Variants in NT5C3A observed in about 807,000 individuals in gnomAD.
NT5C3A encodes the protein 5'-nucleotidase, cytosolic IIIA, also known as cytosolic 5'-nucleotidase 3A.
A neutral mutation model predicts 40.0 loss-of-function variants in NT5C3A; 23 were observed. The observed-to-expected ratio is 0.58, with a 90% CI of 0.41 to 0.81. NT5C3A has a LOEUF of 0.81. NT5C3A is among the 40% of genes least tolerant of loss of function. NT5C3A has a pLI of 0.00. For synonymous variants in NT5C3A, 130 were observed against 141.4 expected (o/e 0.92, Z 0.57); for missense variants, 328 against 403.0 (o/e 0.81, Z 1.59).
intron 3 of NT5C3A, among the ~76,000 whole-genome samples, chr7:33,022,556 T>C (rs925462767): frequency 1.3e-5 from 2 of 152,242 alleles, no homozygotes; most frequent in African/African-American, 4.8e-5. Flanking sequence ...GGTTTTAGCA[T>C]TCAATAATAA....
intron 1 of NT5C3A, among the ~76,000 whole-genome samples, chr7:33,050,474 G>T (rs1173854258): frequency 6.6e-6 from 1 of 152,172 alleles, no homozygotes; most frequent in Non-Finnish European, 1.5e-5. Context: ...GAGAAATCCA[G>T]ATAGACTGAA....
chr7:33,031,369 C>G (rs1448558862), intron 1 of NT5C3A, among the ~76,000 whole-genome samples: 1 of 151,974 alleles, frequency 6.6e-6, no homozygotes, highest in East Asian at 1.9e-4. Context: ...AGGAGGATCA[C>G]TTGGGCTCAG....
intron 1 of NT5C3A, among the ~76,000 whole-genome samples, chr7:33,047,277 G>A (rs1451401957): frequency 6.6e-6 from 1 of 151,956 alleles, no homozygotes; most frequent in East Asian, 1.9e-4. Context: ...TTTATTATTG[G>A]TGCACTATAT....
intron 1 of NT5C3A, among the ~76,000 whole-genome samples, chr7:33,058,461 C>T (rs1787653841): frequency 6.6e-6 from 1 of 152,114 alleles, no homozygotes; most frequent in Non-Finnish European, 1.5e-5. Context: ...ATTCTCCTGC[C>T]TCAGCCTCCC....
intron 1 of NT5C3A, among the ~76,000 whole-genome samples, chr7:33,034,180 C>T (rs1036352930): frequency 7.9e-5 from 12 of 151,954 alleles, no homozygotes; most frequent in South Asian, 6.2e-4. Flanking sequence ...CGTGAGCCAC[C>T]GCGCCCGGCC....
intron 1 of NT5C3A, chr7:33,040,899 A>C (rs533456781): frequency 1.2e-4 from 121 of 985,464 alleles, no homozygotes; most frequent in Middle Eastern, 1.0e-3. Flanking sequence ...GAGCTACACC[A>C]GCAAAAGAAA....
At chr7:33,034,311 G>A (rs1019917952) in intron 1 of NT5C3A, among the ~76,000 whole-genome samples, 1 of 152,130 alleles carries the variant, frequency 6.6e-6, no homozygotes, top group Non-Finnish European at 1.5e-5. Flanking sequence ...ACTGTGGAGT[G>A]AATACACTGC....
intron 1 of NT5C3A, among the ~76,000 whole-genome samples, chr7:33,052,637 ACTCT>A (rs1395228025): frequency 6.6e-6 from 1 of 151,636 alleles, no homozygotes; most frequent in Non-Finnish European, 1.5e-5. Context: ...TATCCTCATC[ACTCT>A]CTCTTTATAC....
Position 33,034,510 on chromosome 7 carries a change from T to C in NT5C3A, c.139-7595A>G, listed in dbSNP as rs150129076. ...TTTAATTCTATGTATCAAAGAGATATGCTCAATTCCAATGAATCAAGTGCC... is the reference window on the plus strand; with the variant it reads ...TTTAATTCTATGTATCAAAGAGATACGCTCAATTCCAATGAATCAAGTGCC... On this transcript the variant is annotated intron_variant, in intron 1 of 8. Transcript: ENST00000610140. Among the ~76,000 whole-genome samples the C allele has an allele frequency of 1.7e-3, 259 of 152,360 alleles. 2 individuals carry two copies. Among genetic ancestry groups the C allele is most frequent in the Non-Finnish European group, 5.7e-4 (39 of 68,038 alleles).
At chr7:33,047,070 T>A (rs965284140) in intron 1 of NT5C3A, among the ~76,000 whole-genome samples, 1 of 151,342 alleles carries the variant, frequency 6.6e-6, no homozygotes, top group Non-Finnish European at 1.5e-5. Flanking sequence ...GCCTCCCGAA[T>A]CTTTTTATTT....
At chr7:33,029,997 G>C (rs1250457113) in intron 1 of NT5C3A, among the ~76,000 whole-genome samples, 3 of 152,080 alleles carry the variant, frequency 2.0e-5, no homozygotes, top group Non-Finnish European at 4.4e-5. Context: ...AAATGGCACG[G>C]GAGTAAAATA....
intron 1 of NT5C3A, among the ~76,000 whole-genome samples, chr7:33,051,288 T>G (rs1035136772): frequency 2.0e-5 from 3 of 152,056 alleles, no homozygotes; most frequent in Non-Finnish European, 4.4e-5. Flanking sequence ...CTCAGCCTCT[T>G]GGGTAGCAGG....
At position 33,062,550 on chromosome 7, in the gene NT5C3A, C is replaced by A. The variant is rs1481065331; in HGVS notation, c.138+18G>T. 6.2e-7 allele frequency: 1 copy of A among 1,606,650 alleles called. No individual in the cohort carries two copies. The highest frequency in any genetic ancestry group is 1.1e-5 in the South Asian group (1 of 90,614). On this transcript the variant is annotated intron_variant, in intron 1 of 8. Coordinates refer to ENST00000610140, the MANE Select transcript of NT5C3A (RefSeq NM_001002010.5). ...CGGCCCCTCGCGTGCTCTGGGCGCG[C>A]CGAGCCTCCACACTCACCATCTCGA...
intron 1 of NT5C3A, among the ~76,000 whole-genome samples, chr7:33,033,896 T>TAAATAA (rs10691796): frequency 8.3e-6 from 1 of 120,158 alleles, no homozygotes; most frequent in African/African-American, 3.4e-5. Context: ...ATATATATAA[T>TAAATAA]TTTTTTTTTT....
rs1271774502 is a variant in NT5C3A, at chr7:33,014,571, C to T, written c.*159G>A. 1 of 1,028,860 alleles carries T rather than the reference C, an allele frequency of 9.7e-7. No homozygotes were observed. Among genetic ancestry groups the T allele is most frequent in the Admixed American group, 2.0e-5 (1 of 48,926 alleles). 63.7% of individuals were successfully genotyped at this position (1,028,860 alleles called of 1,614,324 possible). A position where few individuals can be genotyped will look rare whatever the true frequency, so the allele number is the denominator to read the frequency against. On this transcript the variant is annotated 3_prime_UTR_variant, in exon 9 of 9. Coordinates refer to ENST00000610140, the MANE Select transcript of NT5C3A (RefSeq NM_001002010.5). The stretch of plus-strand genomic sequence containing the variant: ...TGTTGAGAGAGGTGGAGAAAAGGAG[C>T]TTCCAGTCAATGCATTCACCATATC...
At chr7:33,030,525 T>C (rs1190035396) in intron 1 of NT5C3A, among the ~76,000 whole-genome samples, 1 of 152,206 alleles carries the variant, frequency 6.6e-6, no homozygotes, top group African/African-American at 2.4e-5. Context: ...TCATTTGTGA[T>C]AAAAAGAGAA....
intron 6 of NT5C3A, among the ~76,000 whole-genome samples, chr7:33,019,212 T>A (rs1035339879): frequency 1.3e-5 from 2 of 151,778 alleles, no homozygotes; most frequent in African/African-American, 4.8e-5. Context: ...GAAGAGATTA[T>A]GTCACTACAC....
chr7:33,060,055 G>A (rs1184218649), intron 1 of NT5C3A, among the ~76,000 whole-genome samples: 1 of 152,164 alleles, frequency 6.6e-6, no homozygotes, highest in African/African-American at 2.4e-5. Context: ...TGACTGAAGA[G>A]ATTTCACCTT....
chr7:33,036,291 A>G, intron 1 of NT5C3A: 2 of 394,144 alleles, frequency 5.1e-6, no homozygotes, highest in Non-Finnish European at 9.6e-6. Flanking sequence ...GTGTTTCCAG[A>G]TCAGACTATG....
Sources: allele counts gnomAD v4.1 joint callset (sites outside exome capture counted in the v4.1 genomes callset), GRCh38; gene constraint gnomAD v4.1.1; transcripts MANE v1.5; gene names NCBI Gene and HGNC (gene_info 2026-07-23, HGNC 2026-07-21).